The following DAPP1 variants were observed in gnomAD, a reference collection of about 807,000 sequenced individuals.
DAPP1 encodes dual adaptor of phosphotyrosine and 3-phosphoinositides 1.
A neutral mutation model predicts 41.5 loss-of-function variants in DAPP1; 20 were observed. The ratio of observed to expected loss-of-function variants is 0.48; its 90% CI spans 0.34 to 0.70. The LOEUF (loss-of-function observed/expected upper bound fraction) is 0.70. DAPP1 is among the 30% of genes least tolerant of loss of function. The probability of loss-of-function intolerance (pLI) is 0.01; values close to 1 mark genes in which losing one functional copy is unlikely to be tolerated. For missense variants in DAPP1, 233 were observed against 333.4 expected (o/e 0.70, Z 2.35); for synonymous variants, 113 against 116.2 (o/e 0.97, Z 0.18).
chr4:99,847,055 G>T (rs751390124), intron 3 of DAPP1, among the ~76,000 whole-genome samples: 1 of 152,166 alleles, frequency 6.6e-6, no homozygotes, highest in African/African-American at 2.4e-5. Flanking sequence ...AAACACGGAT[G>T]GACATGATCT....
At position 99,816,828 on chromosome 4, in the gene DAPP1, C is replaced by A; in HGVS notation, c.-86C>A. 2.5e-6 allele frequency: 3 copies of A among 1,206,654 alleles called. No homozygotes were observed. The highest frequency in any genetic ancestry group is 1.4e-5 in the South Asian group (1 of 69,938). The allele number at this position is 1,206,654 out of a possible 1,614,324, so 74.7% of individuals were successfully genotyped here. A position where few individuals can be genotyped will look rare whatever the true frequency, so the allele number is the denominator to read the frequency against. ...ACTTCCTTGCCTTGGAGACTCAGAGCCATAGCAGGCTGCTGTCTCACAGAG... is the reference window on the plus strand; with the variant it reads ...ACTTCCTTGCCTTGGAGACTCAGAGACATAGCAGGCTGCTGTCTCACAGAG... On this transcript the variant is annotated 5_prime_UTR_variant, in exon 1 of 9. Coordinates refer to ENST00000512369, the MANE Select transcript of DAPP1 (RefSeq NM_014395.3).
intron 4 of DAPP1, among the ~76,000 whole-genome samples, chr4:99,854,553 G>A (rs770656703): frequency 5.3e-5 from 8 of 152,040 alleles, no homozygotes; most frequent in Non-Finnish European, 7.4e-5. Context: ...TACATCCTTT[G>A]GTGATGCCTT....
At chr4:99,828,950 T>C (rs1339244950) in intron 1 of DAPP1, among the ~76,000 whole-genome samples, 1 of 152,110 alleles carries the variant, frequency 6.6e-6, no homozygotes, top group Non-Finnish European at 1.5e-5. Flanking sequence ...CTAATAGGAG[T>C]TTCTTGCTCT....
chr4:99,837,142 T>A (rs987036176), intron 2 of DAPP1, among the ~76,000 whole-genome samples: 8 of 152,206 alleles, frequency 5.3e-5, no homozygotes, highest in African/African-American at 1.9e-4. Flanking sequence ...CAGAGAAAAC[T>A]CTGTTTTACA....
Position 99,817,014 on chromosome 4 carries a change from G to A in DAPP1, c.101G>A (p.Gly34Glu). 1 of 1,594,564 alleles carries A rather than the reference G, an allele frequency of 6.3e-7. No homozygotes were observed. The highest frequency in any genetic ancestry group is 8.5e-7 in the Non-Finnish European group (1 of 1,170,618). The change falls in exon 1 of 9, where the codon GGG becomes GAG. Residue 34 changes from glycine to glutamate, a missense_variant and splice_region_variant. By Grantham distance (98) the Gly-to-Glu change is moderately conservative. Transcript: ENST00000512369. ...GAGGCTGAGCTGCTCCAGGACTTGG[G>A]GTAAGGCAGCAGATCTCCTTTCAAA... Reference protein sequence around the residue: ...DGEAELLQDLGWYHGNLTRHA... With the variant: ...DGEAELLQDLEWYHGNLTRHA...
intron 2 of DAPP1, among the ~76,000 whole-genome samples, chr4:99,839,079 T>C (rs1329770855): frequency 9.9e-5 from 15 of 152,132 alleles, no homozygotes; most frequent in Admixed American, 8.5e-4. Context: ...GTAGATCCAG[T>C]TGGACTAGGG....
intron 3 of DAPP1, among the ~76,000 whole-genome samples, chr4:99,847,146 T>C (rs1230070162): frequency 6.6e-6 from 1 of 152,212 alleles, no homozygotes. Context: ...AAATCAGATA[T>C]TATTCTTGCC....
intron 2 of DAPP1, among the ~76,000 whole-genome samples, chr4:99,839,925 C>T (rs554811953): frequency 7.2e-5 from 11 of 152,206 alleles, no homozygotes; most frequent in African/African-American, 9.6e-5. Context: ...AGCCAGGCAT[C>T]GTGGCAGACA....
chr4:99,821,571 G>T (rs180758889), intron 1 of DAPP1, among the ~76,000 whole-genome samples: 5 of 152,292 alleles, frequency 3.3e-5, no homozygotes, highest in Non-Finnish European at 5.9e-5. Flanking sequence ...TACTAATGTT[G>T]TCCCCATTTA....
intron 4 of DAPP1, among the ~76,000 whole-genome samples, chr4:99,856,929 A>G (rs1724064435): frequency 6.6e-6 from 1 of 152,214 alleles, no homozygotes; most frequent in African/African-American, 2.4e-5. Context: ...TCTAATGATC[A>G]GTAGACATGT....
chr4:99,843,853 C>T (rs1318689666), intron 3 of DAPP1, among the ~76,000 whole-genome samples: 3 of 152,212 alleles, frequency 2.0e-5, no homozygotes, highest in African/African-American at 7.2e-5. Context: ...AAGTACTGAT[C>T]ATTTCCACAA....
intron 3 of DAPP1, among the ~76,000 whole-genome samples, chr4:99,843,951 A>G (rs574371112): frequency 2.0e-5 from 3 of 152,260 alleles, no homozygotes; most frequent in Non-Finnish European, 2.9e-5. Flanking sequence ...TGACAATTTT[A>G]ACTTTCAAAG....
At chr4:99,871,348 G>A (rs1724623802), downstream of DAPP1, among the ~76,000 whole-genome samples, 1 of 152,030 alleles carries the variant, frequency 6.6e-6, no homozygotes, top group African/African-American at 2.4e-5. Flanking sequence ...TATGAATTCA[G>A]GCTGTCTGAC....
intron 3 of DAPP1, among the ~76,000 whole-genome samples, chr4:99,851,604 G>A (rs1175454815): frequency 1.4e-5 from 2 of 143,848 alleles, no homozygotes; most frequent in African/African-American, 5.2e-5. Context: ...GCAGTGGTGC[G>A]ATCTCGGCTC....
intron 7 of DAPP1, 24 bp downstream of exon 7, chr4:99,863,879 G>A (rs773815712): frequency 9.8e-6 from 14 of 1,423,874 alleles, no homozygotes; most frequent in Non-Finnish European, 1.3e-5. Flanking sequence ...TAAAGAAAAC[G>A]TTTTTTAATG....
intron 4 of DAPP1, among the ~76,000 whole-genome samples, chr4:99,860,444 G>A (rs2110164954): frequency 6.6e-6 from 1 of 152,214 alleles, no homozygotes; most frequent in East Asian, 1.9e-4. Flanking sequence ...ATTCAACTGA[G>A]TCAATTCAAT....
intron 2 of DAPP1, among the ~76,000 whole-genome samples, chr4:99,836,473 C>G (rs1723302761): frequency 6.6e-6 from 1 of 152,192 alleles, no homozygotes; most frequent in Non-Finnish European, 1.5e-5. Flanking sequence ...AGGCGCTTCT[C>G]CATGGATTAG....
At chr4:99,818,321 A>G (rs780177641) in intron 1 of DAPP1, among the ~76,000 whole-genome samples, 1 of 152,244 alleles carries the variant, frequency 6.6e-6, no homozygotes, top group Non-Finnish European at 1.5e-5. Context: ...CACCAAGTCC[A>G]AAAGCTAAAG....
At chr4:99,825,486 C>G (rs1722908920) in intron 1 of DAPP1, among the ~76,000 whole-genome samples, 1 of 152,174 alleles carries the variant, frequency 6.6e-6, no homozygotes, top group African/African-American at 2.4e-5. Context: ...ACTCACAGAT[C>G]AATGAGATAT....
Sources: gnomAD v4.1 joint callset for allele counts (sites outside exome capture counted in the v4.1 genomes callset) on GRCh38, gnomAD v4.1.1 for gene constraint, MANE v1.5 for transcripts, NCBI Gene and HGNC (gene_info 2026-07-23, HGNC 2026-07-21) for gene names.